The following ESR1 variants were observed in gnomAD, a reference collection of about 807,000 sequenced individuals.
The protein encoded by ESR1 is estrogen receptor 1, also known as estrogen receptor.
Under a neutral mutation model 52.7 loss-of-function variants are expected in ESR1, and 12 were observed. That is an observed-to-expected ratio of 0.23 (90% CI 0.15 to 0.37). The LOEUF (loss-of-function observed/expected upper bound fraction) is 0.37. ESR1 is among the 10% of genes least tolerant of loss of function. ESR1 has a pLI of 1.00. For synonymous variants in ESR1, 305 were observed against 316.8 expected (o/e 0.96, Z 0.39); for missense variants, 584 against 779.7 (o/e 0.75, Z 2.99).
intron 1 of ESR1, among the ~76,000 whole-genome samples, chr6:151,683,685 G>A (rs1778540149): frequency 4.6e-5 from 7 of 151,632 alleles, no homozygotes; most frequent in Admixed American, 4.6e-4. Flanking sequence ...TAGTTATCAG[G>A]TTGTCATACA....
At chr6:151,811,520 A>C (rs1433160153) in intron 1 of ESR1, among the ~76,000 whole-genome samples, 1 of 152,220 alleles carries the variant, frequency 6.6e-6, no homozygotes, top group East Asian at 1.9e-4. Flanking sequence ...AATCTTTTGC[A>C]TCAAAATCAA....
chr6:152,036,360 AAAAAACAAAAAC>A (rs1213340823), intron 5 of ESR1, among the ~76,000 whole-genome samples: 3 of 152,230 alleles, frequency 2.0e-5, no homozygotes, highest in Non-Finnish European at 4.4e-5. Context: ...ACTCCATCTC[AAAAAACAAAAAC>A]AAAAACAAAA....
intron 1 of ESR1, among the ~76,000 whole-genome samples, chr6:151,835,208 T>A (rs1583557817): frequency 6.6e-6 from 1 of 152,122 alleles, no homozygotes; most frequent in East Asian, 1.9e-4. Flanking sequence ...GGAGAGGGCT[T>A]TCTGGGAAAG....
chr6:152,106,088 C>A (rs9479225), downstream of ESR1, among the ~76,000 whole-genome samples: 1 of 152,070 alleles, frequency 6.6e-6, no homozygotes, highest in Admixed American at 6.5e-5. Flanking sequence ...CCACCGCGCC[C>A]GGCCTCAGTA....
chr6:151,941,524 C>T lies in ESR1; in HGVS notation c.761-2649C>T, dbSNP rs140965254. On this transcript the variant is annotated intron_variant, in intron 3 of 7. Coordinates refer to ENST00000206249, the MANE Select transcript of ESR1 (RefSeq NM_000125.4). ...TTGACATTTTTTCTCTGGTGTCCACCGCAAGGCTCTTGCTCTTACATTTTT... is the reference window on the plus strand; with the variant it reads ...TTGACATTTTTTCTCTGGTGTCCACTGCAAGGCTCTTGCTCTTACATTTTT... Among the ~76,000 whole-genome samples, 15 of 151,960 alleles carry T rather than the reference C, an allele frequency of 9.9e-5. No homozygotes were observed. The East Asian group carries it at 2.1e-3, about 22-fold the overall frequency.
At chr6:152,105,310 G>A (rs2051050190), downstream of ESR1, among the ~76,000 whole-genome samples, 1 of 152,134 alleles carries the variant, frequency 6.6e-6, no homozygotes, top group Non-Finnish European at 1.5e-5. Context: ...CTGAGATGGG[G>A]GGCAGTCTTG....
chr6:151,876,672 G>T (rs1237200642), intron 2 of ESR1, among the ~76,000 whole-genome samples: 1 of 152,096 alleles, frequency 6.6e-6, no homozygotes, highest in Non-Finnish European at 1.5e-5. Context: ...AGGGGCTGGG[G>T]TGGGCCCGGT....
chr6:151,948,002 C>T (rs1434455563), intron 4 of ESR1, among the ~76,000 whole-genome samples: 1 of 152,000 alleles, frequency 6.6e-6, no homozygotes, highest in Admixed American at 6.6e-5. Flanking sequence ...GGTAGAAATT[C>T]AGTTTTTTTA....
intron 5 of ESR1, among the ~76,000 whole-genome samples, chr6:152,037,601 G>A (rs1273116858): frequency 1.3e-5 from 2 of 152,182 alleles, no homozygotes; most frequent in Admixed American, 6.5e-5. Flanking sequence ...AGAAAATAAA[G>A]GTAAGTGTTA....
At chr6:151,702,229 T>G (rs1408871420) in intron 2 of ESR1, among the ~76,000 whole-genome samples, 1 of 152,184 alleles carries the variant, frequency 6.6e-6, no homozygotes, top group Admixed American at 6.5e-5. Flanking sequence ...TACCACCATT[T>G]AAAAAAATCC....
upstream of ESR1, among the ~76,000 whole-genome samples, chr6:151,686,768 TA>T (rs1778705786): frequency 6.6e-6 from 1 of 152,132 alleles, no homozygotes; most frequent in Non-Finnish European, 1.5e-5. Context: ...TTAAGGTAGC[TA>T]AACACTCTTA....
chr6:152,113,021 C>A (rs1349689060), intron 6 of ESR1: 2 of 152,214 alleles, frequency 1.3e-5, no homozygotes, highest in African/African-American at 4.8e-5. Flanking sequence ...TGAGCTCACC[C>A]AAAGAGGATG....
In ESR1 at chr6:152,093,983, C is replaced by T. The variant is rs923939499; in HGVS notation, c.1370-402C>T. 2.0e-5 allele frequency among the ~76,000 whole-genome samples: 3 copies of T among 152,296 alleles called. No homozygotes were observed. In the East Asian group the frequency reaches 5.8e-4, roughly 29 times the overall value. ...TTCCCTAGCAGGTTAGTGACTTTCT[C>T]TGCCTTTTTGTTTCTTGATGTGAAA... On this transcript the variant is annotated intron_variant, in intron 6 of 7. Transcript: ENST00000206249.
intron 2 of ESR1, among the ~76,000 whole-genome samples, chr6:151,736,715 A>T (rs2128050169): frequency 6.6e-6 from 1 of 152,206 alleles, no homozygotes; most frequent in East Asian, 1.9e-4. Flanking sequence ...CCATTAATTC[A>T]TGGAATTCAC....
At chr6:151,982,704 G>T (rs952282006) in intron 4 of ESR1, among the ~76,000 whole-genome samples, 1 of 151,550 alleles carries the variant, frequency 6.6e-6, no homozygotes, top group Non-Finnish European at 1.5e-5. Flanking sequence ...CAGGATGGTC[G>T]TTAATTTTAA....
intron 4 of ESR1, among the ~76,000 whole-genome samples, chr6:151,958,292 A>G (rs1198179832): frequency 6.7e-6 from 1 of 150,116 alleles, no homozygotes; most frequent in Admixed American, 6.7e-5. Flanking sequence ...ATAATAATAA[A>G]TTCACACTAA....
intron 4 of ESR1, among the ~76,000 whole-genome samples, chr6:151,990,761 C>T (rs1311639913): frequency 2.6e-5 from 4 of 152,132 alleles, no homozygotes; most frequent in Non-Finnish European, 5.9e-5. Context: ...TCTTCTCAAC[C>T]TTGGCAATGT....
At chr6:151,809,035 C>T (rs912331968) in intron 1 of ESR1, 8 of 268,068 alleles carry the variant, frequency 3.0e-5, no homozygotes, top group Admixed American at 5.0e-5. Context: ...GGATTGCTGG[C>T]ATGTGACTTC....
At chr6:151,903,347 C>A (rs987981290) in intron 3 of ESR1, among the ~76,000 whole-genome samples, 2 of 152,190 alleles carry the variant, frequency 1.3e-5, no homozygotes, top group African/African-American at 2.4e-5. Context: ...ACCCTGCCAG[C>A]TTGAGGGCAA....
Sources: gnomAD v4.1 joint callset for allele counts (sites outside exome capture counted in the v4.1 genomes callset) on GRCh38, gnomAD v4.1.1 for gene constraint, MANE v1.5 for transcripts, NCBI Gene and HGNC (gene_info 2026-07-23, HGNC 2026-07-21) for gene names.